PTH2R: variants seen among roughly 807,000 people sequenced by gnomAD.
PTH2R encodes PTH2 receptor.
A neutral mutation model predicts 60.3 loss-of-function variants in PTH2R; 59 were observed. That is an observed-to-expected ratio of 0.98 (90% CI 0.79 to 1.22). PTH2R has a LOEUF of 1.22. Ranked by LOEUF, PTH2R falls within the 50% of genes most tolerant of loss-of-function variation. The pLI is 0.00. For synonymous variants in PTH2R, 256 were observed against 243.8 expected, an observed-to-expected ratio of 1.05 and a Z score of -0.47; for missense variants, 749 against 682.6, an observed-to-expected ratio of 1.10 and a Z score of -1.08.
At chr2:208,391,290 G>A (rs570626059) in intron 1 of PTH2R, among the ~76,000 whole-genome samples, 2 of 152,282 alleles carry the variant, frequency 1.3e-5, no homozygotes, top group East Asian at 3.9e-4. Context: ...TCTTAAAAGG[G>A]CTAAGACCTA....
intron 1 of PTH2R, among the ~76,000 whole-genome samples, chr2:208,409,071 C>T (rs899003241): frequency 6.6e-6 from 1 of 152,106 alleles, no homozygotes; most frequent in African/African-American, 2.4e-5. Flanking sequence ...GTTTGGAAGG[C>T]AAAATCACTC....
intron 10 of PTH2R, among the ~76,000 whole-genome samples, chr2:208,486,836 T>C (rs1703284634): frequency 1.3e-5 from 2 of 152,152 alleles, no homozygotes; most frequent in African/African-American, 4.8e-5. Context: ...GATCTTGCCT[T>C]GGATGGAATA....
At position 208,425,358 on chromosome 2, in the gene PTH2R, C is replaced by T. The variant is rs550739531; in HGVS notation, c.76-2843C>T. Among the ~76,000 whole-genome samples, 138 of 152,274 alleles carry T rather than the reference C, an allele frequency of 9.1e-4. 2 individuals are homozygous for T. Among genetic ancestry groups the T allele is most frequent in the African/African-American group, 3.1e-3 (129 of 41,562 alleles). On this transcript the variant is annotated intron_variant, in intron 1 of 12. Transcript: ENST00000272847. The stretch of plus-strand genomic sequence containing the variant: ...AGCAGCTTTCCATAAGACACATCCT[C>T]CAGTGTTCCATGCCAGTTTACCATT...
chr2:208,381,489 C>CAT (rs1700914322), intron 1 of PTH2R, among the ~76,000 whole-genome samples: 1 of 152,128 alleles, frequency 6.6e-6, no homozygotes, highest in African/African-American at 2.4e-5. Flanking sequence ...GTGGCACAAT[C>CAT]ATAGCTCACT....
chr2:208,422,118 T>C (rs906113590), intron 1 of PTH2R, among the ~76,000 whole-genome samples: 4 of 152,202 alleles, frequency 2.6e-5, no homozygotes, highest in Non-Finnish European at 5.9e-5. Flanking sequence ...AAATCTCATT[T>C]TGAGGGCTAG....
At chr2:208,439,922 T>C (rs1702149115) in intron 4 of PTH2R, among the ~76,000 whole-genome samples, 1 of 152,220 alleles carries the variant, frequency 6.6e-6, no homozygotes, top group Admixed American at 6.5e-5. Flanking sequence ...GAAAAAATGT[T>C]CATTGAACAA....
intron 1 of PTH2R, among the ~76,000 whole-genome samples, chr2:208,372,287 G>T (rs13401360): frequency 0.18 from 28,022 of 152,036 alleles, 2,822 homozygotes; most frequent in South Asian, 0.26. Context: ...TGATTTAAGA[G>T]ATTGTCATTT....
rs1287198538 is a variant in PTH2R at position 208,450,811 on chromosome 2, T to G, written c.914+2T>G. 1 of 1,613,676 alleles carries G rather than the reference T, an allele frequency of 6.2e-7. No homozygotes were observed. Among genetic ancestry groups the G allele is most frequent in the Non-Finnish European group, 8.5e-7 (1 of 1,179,728 alleles). ...ACGAGCAACTCTGGCTGATGCGAGG[T>G]GAGTGAAAAGGCAGGGGAAACGAGA... On this transcript the variant is annotated splice_donor_variant, in intron 8 of 12. Coordinates refer to ENST00000272847, the MANE Select transcript of PTH2R (RefSeq NM_005048.4). LOFTEE classifies it high-confidence loss of function.
At chr2:208,457,071 A>C (rs1702529768) in intron 8 of PTH2R, among the ~76,000 whole-genome samples, 1 of 152,214 alleles carries the variant, frequency 6.6e-6, no homozygotes, top group Non-Finnish European at 1.5e-5. Flanking sequence ...CAAAGAAAGA[A>C]GACTGTGAAG....
At chr2:208,393,266 T>A (rs1277069603) in intron 1 of PTH2R, among the ~76,000 whole-genome samples, 3 of 151,518 alleles carry the variant, frequency 2.0e-5, no homozygotes, top group Non-Finnish European at 4.4e-5. Flanking sequence ...GTGATAAACT[T>A]GTCCTTCAGG....
At chr2:208,439,145 A>T (rs1423214759) in intron 4 of PTH2R, among the ~76,000 whole-genome samples, 1 of 152,178 alleles carries the variant, frequency 6.6e-6, no homozygotes, top group South Asian at 2.1e-4. Context: ...GTTAATGGCC[A>T]TTAAATTAAA....
intron 1 of PTH2R, among the ~76,000 whole-genome samples, chr2:208,366,844 C>T (rs1397252334): frequency 2.0e-5 from 3 of 152,218 alleles, no homozygotes; most frequent in African/African-American, 7.2e-5. Context: ...CCGTAGCTTA[C>T]ACTTGTGCCA....
intron 1 of PTH2R, among the ~76,000 whole-genome samples, chr2:208,416,732 C>T (rs551285070): frequency 6.6e-6 from 1 of 152,244 alleles, no homozygotes; most frequent in South Asian, 2.1e-4. Context: ...TGGGTGGTCA[C>T]AATCAGCTGC....
chr2:208,400,190 C>T (rs563484169), intron 1 of PTH2R, among the ~76,000 whole-genome samples: 7 of 152,166 alleles, frequency 4.6e-5, no homozygotes, highest in Admixed American at 4.6e-4. Context: ...GTTATATGTC[C>T]AGAGGCTAGT....
chr2:208,443,075 C>T (rs1702218528), intron 5 of PTH2R, among the ~76,000 whole-genome samples: 1 of 152,194 alleles, frequency 6.6e-6, no homozygotes, highest in Admixed American at 6.5e-5. Flanking sequence ...TACAGTATAA[C>T]ATCTATTTAC....
chr2:208,464,849 T>G (rs752216283), intron 9 of PTH2R, among the ~76,000 whole-genome samples: 5 of 152,114 alleles, frequency 3.3e-5, no homozygotes, highest in Non-Finnish European at 7.4e-5. Context: ...CCCCTTATTC[T>G]TTTTCCCATA....
At chr2:208,487,473 A>C (rs1301806772) in intron 10 of PTH2R, among the ~76,000 whole-genome samples, 1 of 152,244 alleles carries the variant, frequency 6.6e-6, no homozygotes, top group Non-Finnish European at 1.5e-5. Context: ...ATGAAAGAAG[A>C]AGCCAGATTT....
rs1000081177 is a variant in PTH2R at position 208,481,231 on chromosome 2, T to C, written c.1076+67T>C. ...TACTATTTCTTTCCTTTTTTTTTTTTTTTTTGAGACAGGGTCTCGCTCTGT... is the reference window on the plus strand; with the variant it reads ...TACTATTTCTTTCCTTTTTTTTTTTCTTTTTGAGACAGGGTCTCGCTCTGT... On this transcript the variant is annotated intron_variant, in intron 10 of 12. Transcript: ENST00000272847. 4.5e-5 allele frequency: 55 copies of C among 1,219,860 alleles called. 1 individual carries two copies. Among genetic ancestry groups the C allele is most frequent in the Non-Finnish European group, 6.3e-5 (54 of 854,204 alleles). The allele number at this position is 1,219,860 out of a possible 1,614,324, so 75.6% of individuals were successfully genotyped here.
chr2:208,408,067 G>C (rs1257111489), intron 1 of PTH2R, among the ~76,000 whole-genome samples: 1 of 152,180 alleles, frequency 6.6e-6, no homozygotes, highest in Non-Finnish European at 1.5e-5. Flanking sequence ...AAACCTATCT[G>C]TTAAAGTCAT....
Sources: gnomAD v4.1 joint callset for allele counts (sites outside exome capture counted in the v4.1 genomes callset) on GRCh38, gnomAD v4.1.1 for gene constraint, MANE v1.5 for transcripts, NCBI Gene and HGNC (gene_info 2026-07-23, HGNC 2026-07-21) for gene names.